The following ANKRD11 variants were observed in gnomAD, a reference collection of about 807,000 sequenced individuals.
The protein encoded by ANKRD11 is ankyrin repeat domain 11.
A neutral mutation model predicts 195.7 loss-of-function variants in ANKRD11; 17 were observed. The observed-to-expected ratio is 0.09, with a 90% CI of 0.06 to 0.13. ANKRD11 has a LOEUF of 0.13. Among genes scored for constraint, ANKRD11 ranks in the 10% least tolerant of loss-of-function variants. The pLI, the probability that ANKRD11 is intolerant of heterozygous loss-of-function variation, is 1.00. For missense variants in ANKRD11, 3,735 were observed against 3,566.1 expected (o/e 1.05, Z -1.21); for synonymous variants, 1,953 against 1,528.1 (o/e 1.28, Z -6.49).
At chr16:89,288,739 G>T (rs769047202) in intron 6 of ANKRD11, 69 bp from the exon 7 acceptor site, 19 of 1,608,364 alleles carry the variant, frequency 1.2e-5, no homozygotes, top group Non-Finnish European at 1.6e-5. Context: ...TGGAGGCAGC[G>T]CCCTGAGGAT....
At chr16:89,390,782 T>C (rs1397110661) in intron 2 of ANKRD11, among the ~76,000 whole-genome samples, 1 of 152,124 alleles carries the variant, frequency 6.6e-6, no homozygotes, top group Non-Finnish European at 1.5e-5. Flanking sequence ...GTAATGGTTG[T>C]CTAACTCTGG....
intron 2 of ANKRD11, chr16:89,403,613 T>G (rs1597298891): frequency 6.6e-6 from 1 of 152,166 alleles, no homozygotes; most frequent in African/African-American, 2.4e-5. Context: ...AAAGCCCTGC[T>G]GCCTCCCCGG....
At chr16:89,278,195 G>C (rs72821355) in intron 9 of ANKRD11, 1 of 309,316 alleles carries the variant, frequency 3.2e-6, no homozygotes, top group Admixed American at 4.7e-5. Context: ...TGGGGGGCCT[G>C]AGAACAGGAG....
chr16:89,306,063 C>T (rs1260319169), intron 3 of ANKRD11, among the ~76,000 whole-genome samples: 1 of 81,678 alleles, frequency 1.2e-5, no homozygotes, highest in Non-Finnish European at 2.4e-5. Context: ...CCTCCCACTC[C>T]GCAGACACGC....
At chr16:89,360,428 A>C (rs1300782233) in intron 2 of ANKRD11, 1 of 152,214 alleles carries the variant, frequency 6.6e-6, no homozygotes, top group Non-Finnish European at 1.5e-5. Flanking sequence ...AACATTTATA[A>C]TGAATGACAT....
chr16:89,401,504 T>A (rs936023961), intron 2 of ANKRD11, among the ~76,000 whole-genome samples: 2 of 152,200 alleles, frequency 1.3e-5, no homozygotes. Context: ...AAAAAGTACA[T>A]GATATATTCA....
At chr16:89,439,121 T>G (rs961706617) in intron 1 of ANKRD11, among the ~76,000 whole-genome samples, 2 of 152,086 alleles carry the variant, frequency 1.3e-5, no homozygotes. Context: ...AAACTCCCTC[T>G]GTGTGGCACG....
chr16:89,280,308 G>A lies in ANKRD11; in HGVS notation c.6234C>T (p.Asp2078=), dbSNP rs780040394. The change falls in exon 9 of 13, where the codon GAC becomes GAT. Residue 2078 remains aspartate (D), a synonymous_variant. Transcript: ENST00000301030. ...CTACACAGGCGGGCTCGGGGGCCACGTCCAGCGGGGCTTCCGGAAGTGACT... is the reference window on the plus strand; with the variant it reads ...CTACACAGGCGGGCTCGGGGGCCACATCCAGCGGGGCTTCCGGAAGTGACT... ...NCKSLPEAPL[D]VAPEPACVAA... is the part of the protein sequence containing the mutation. 2.5e-6 allele frequency: 4 copies of A among 1,592,428 alleles called. No individual in the cohort carries two copies. The highest frequency in any genetic ancestry group is 1.7e-5 in the Admixed American group (1 of 57,736).
chr16:89,423,185 C>G (rs1024667277), intron 1 of ANKRD11, among the ~76,000 whole-genome samples: 2 of 152,232 alleles, frequency 1.3e-5, no homozygotes, highest in African/African-American at 4.8e-5. Context: ...AAAGACAGGT[C>G]CCTACACTGG....
chr16:89,375,525 T>C (rs977848622), intron 2 of ANKRD11, among the ~76,000 whole-genome samples: 2 of 151,868 alleles, frequency 1.3e-5, no homozygotes, highest in Non-Finnish European at 2.9e-5. Flanking sequence ...AGTGGCACGA[T>C]CTTGGCTCGC....
chr16:89,300,729 C>G (rs1250196363), intron 4 of ANKRD11: 1 of 551,258 alleles, frequency 1.8e-6, no homozygotes, highest in Non-Finnish European at 3.2e-6. Context: ...ACTGAAGGTG[C>G]CAAGCACCTA....
rs554237284 is a variant in ANKRD11 at position 89,377,039 on chromosome 16, C to T, written c.-60+41245G>A. Among the ~76,000 whole-genome samples the T allele has an allele frequency of 8.6e-4, 131 of 152,294 alleles. 3 individuals are homozygous for T. The South Asian group carries it at 0.022, about 26-fold the overall frequency. ...GGACTGCTTCCATTGATGCTTTGTC[C>T]GTGAAGTCAGGAAGTACCTTGCCTT... On this transcript the variant is annotated intron_variant, in intron 2 of 12. Coordinates refer to ENST00000301030, the MANE Select transcript of ANKRD11 (RefSeq NM_013275.6).
chr16:89,462,615 G>C (rs893416118), intron 1 of ANKRD11, among the ~76,000 whole-genome samples: 14 of 151,618 alleles, frequency 9.2e-5, no homozygotes, highest in Admixed American at 7.2e-4. Flanking sequence ...ATCCCACTTA[G>C]GAAGTGAGGA....
intron 1 of ANKRD11, among the ~76,000 whole-genome samples, chr16:89,483,760 G>A (rs1230130391): frequency 2.0e-5 from 3 of 151,730 alleles, no homozygotes; most frequent in Non-Finnish European, 4.4e-5. Flanking sequence ...CCCGGGAGGC[G>A]GAGGTTGCGG....
At chr16:89,309,184 C>T (rs146969710) in intron 3 of ANKRD11, among the ~76,000 whole-genome samples, 2 of 152,338 alleles carry the variant, frequency 1.3e-5, no homozygotes, top group African/African-American at 4.8e-5. Flanking sequence ...CCTGGTGGTT[C>T]TTGGGGCACA....
intron 2 of ANKRD11, among the ~76,000 whole-genome samples, chr16:89,347,991 T>C (rs549271676): frequency 2.6e-5 from 4 of 152,026 alleles, no homozygotes; most frequent in African/African-American, 9.6e-5. Flanking sequence ...TGGAGTGAAA[T>C]GGCATGATCT....
rs561254858 is a variant in ANKRD11, at chr16:89,305,130, G to A, written c.226+76C>T. 117 of 1,575,484 alleles carry A rather than the reference G, an allele frequency of 7.4e-5. No homozygotes were observed. The African/African-American group carries it at 1.3e-3, about 18-fold the overall frequency. ...CCCAGTGCAAAGCCGGAGGTGCGGG[G>A]GCCAGGGACGCCCTGCCTGGGCTGC... On this transcript the variant is annotated intron_variant, in intron 4 of 12. Coordinates refer to ENST00000301030, the MANE Select transcript of ANKRD11 (RefSeq NM_013275.6).
At chr16:89,305,794 C>T (rs1234015415) in intron 3 of ANKRD11, among the ~76,000 whole-genome samples, 1 of 129,706 alleles carries the variant, frequency 7.7e-6, no homozygotes, top group Admixed American at 7.5e-5. Flanking sequence ...AGACACGCGC[C>T]ACCTCCCACT....
At chr16:89,425,823 G>A (rs552102332) in intron 1 of ANKRD11, among the ~76,000 whole-genome samples, 2 of 152,256 alleles carry the variant, frequency 1.3e-5, no homozygotes, top group African/African-American at 4.8e-5. Context: ...AGCCTGAGGA[G>A]GAACTAGAAG....
Sources: allele counts gnomAD v4.1 joint callset (sites outside exome capture counted in the v4.1 genomes callset), GRCh38; gene constraint gnomAD v4.1.1; transcripts MANE v1.5; gene names NCBI Gene and HGNC (gene_info 2026-07-23, HGNC 2026-07-21).